STX8: variants seen among roughly 807,000 people sequenced by gnomAD.
The protein encoded by STX8 is syntaxin-8.
STX8 carries 23 observed loss-of-function variants against 37.5 expected under a neutral mutation model. The ratio of observed to expected loss-of-function variants is 0.61; its 90% confidence interval spans 0.44 to 0.87. STX8 has a LOEUF of 0.87. Ranked by LOEUF, STX8 falls within the 40% of genes least tolerant of loss-of-function variation. STX8 has a pLI of 0.00. For synonymous variants in STX8, 115 were observed against 99.1 expected (o/e 1.16, Z -0.95); for missense variants, 313 against 284.7 (o/e 1.10, Z -0.71).
Position 9,319,904 on chromosome 17 carries a change from C to T in STX8, c.643+58648G>A, listed in dbSNP as rs559915228. 5.3e-3 allele frequency among the ~76,000 whole-genome samples: 797 copies of T among 151,742 alleles called. 6 individuals are homozygous for T. The highest frequency in any genetic ancestry group is 0.018 in the African/African-American group (749 of 41,294). On this transcript the variant is annotated intron_variant, in intron 7 of 7. Transcript: ENST00000306357. ...GGGCAGAGGTTGCAGGAGCTGAGATCTTGCCATTGCACTCTAGCCTGGGCA... is the reference window on the plus strand; with the variant it reads ...GGGCAGAGGTTGCAGGAGCTGAGATTTTGCCATTGCACTCTAGCCTGGGCA...
At chr17:9,352,183 A>T (rs557419954) in intron 7 of STX8, among the ~76,000 whole-genome samples, 47 of 151,696 alleles carry the variant, frequency 3.1e-4, no homozygotes, top group African/African-American at 1.1e-3. Context: ...AACAAAAAAA[A>T]ACTTGGGGCT....
At chr17:9,536,501 A>G (rs1424758860) in intron 4 of STX8, among the ~76,000 whole-genome samples, 1 of 152,184 alleles carries the variant, frequency 6.6e-6, no homozygotes, top group Non-Finnish European at 1.5e-5. Context: ...ATACTAGTCT[A>G]GAGAGCTAAA....
chr17:9,413,113 A>C (rs1040850902), intron 6 of STX8, among the ~76,000 whole-genome samples: 3 of 152,176 alleles, frequency 2.0e-5, no homozygotes, highest in Non-Finnish European at 4.4e-5. Context: ...AAATACCAGA[A>C]AGGAGGCTGT....
At chr17:9,306,595 C>CAAAAAAAA (rs71135963) in intron 7 of STX8, among the ~76,000 whole-genome samples, 176 of 69,832 alleles carry the variant, frequency 2.5e-3, no homozygotes, top group Middle Eastern at 0.013. Context: ...ACTAAAAATA[C>CAAAAAAAA]AAAAAAAAAA....
At chr17:9,509,399 AAG>A (rs1904950640) in intron 4 of STX8, among the ~76,000 whole-genome samples, 1 of 149,592 alleles carries the variant, frequency 6.7e-6, no homozygotes, top group Non-Finnish European at 1.5e-5. Flanking sequence ...AAAGTACTAA[AAG>A]AAAAAAAAAA....
chr17:9,458,122 TTA>T (rs1905233344), intron 6 of STX8, among the ~76,000 whole-genome samples: 1 of 152,234 alleles, frequency 6.6e-6, no homozygotes. Context: ...GCATATACTA[TTA>T]TATATGGAGG....
chr17:9,474,459 G>A (rs906863356), intron 6 of STX8, among the ~76,000 whole-genome samples: 17 of 151,882 alleles, frequency 1.1e-4, no homozygotes, highest in African/African-American at 3.1e-4. Context: ...TGCAACCTCC[G>A]CCTCCCGGGT....
intron 6 of STX8, among the ~76,000 whole-genome samples, chr17:9,402,211 C>T (rs1912650170): frequency 6.6e-6 from 1 of 152,112 alleles, no homozygotes; most frequent in South Asian, 2.1e-4. Flanking sequence ...CCTCCGCCTC[C>T]TGAGTTCAAG....
intron 7 of STX8, among the ~76,000 whole-genome samples, chr17:9,294,244 T>C (rs952510384): frequency 6.6e-6 from 1 of 151,940 alleles, no homozygotes; most frequent in African/African-American, 2.4e-5. Context: ...TAACACAAGA[T>C]AGGAAGGAAA....
chr17:9,494,603 G>A (rs1220148551), intron 5 of STX8, among the ~76,000 whole-genome samples: 1 of 86,992 alleles, frequency 1.1e-5, no homozygotes, highest in Admixed American at 2.0e-4. Flanking sequence ...GTAACAGAGT[G>A]AGAACCTGTC....
intron 7 of STX8, among the ~76,000 whole-genome samples, chr17:9,360,810 C>G (rs1911038078): frequency 6.6e-6 from 1 of 152,142 alleles, no homozygotes; most frequent in Non-Finnish European, 1.5e-5. Context: ...GACATGCACT[C>G]TCTCAAGGAC....
chr17:9,271,226 G>T (rs1339456993), intron 7 of STX8, among the ~76,000 whole-genome samples: 1 of 152,192 alleles, frequency 6.6e-6, no homozygotes. Flanking sequence ...GGCCGAAGCG[G>T]GCGGATCACT....
chr17:9,371,126 GC>G (rs1911389357), intron 7 of STX8, among the ~76,000 whole-genome samples: 1 of 152,048 alleles, frequency 6.6e-6, no homozygotes, highest in Non-Finnish European at 1.5e-5. Context: ...CTCCTGTGTG[GC>G]CCCTTGCAGT....
chr17:9,256,268 G>A (rs1906793844), intron 7 of STX8, among the ~76,000 whole-genome samples: 1 of 152,190 alleles, frequency 6.6e-6, no homozygotes, highest in Admixed American at 6.5e-5. Flanking sequence ...CTACACCAGT[G>A]GAGCTTGAGT....
chr17:9,512,830 A>G (rs1225675699), intron 4 of STX8, among the ~76,000 whole-genome samples: 1 of 152,218 alleles, frequency 6.6e-6, no homozygotes, highest in African/African-American at 2.4e-5. Flanking sequence ...ATGCACATGC[A>G]TAAGAATGAA....
At chr17:9,369,917 A>G (rs1911351479) in intron 7 of STX8, among the ~76,000 whole-genome samples, 1 of 149,206 alleles carries the variant, frequency 6.7e-6, no homozygotes, top group South Asian at 2.1e-4. Context: ...AAAAGAAAGA[A>G]AAAAGAAAAA....
chr17:9,494,670 T>C (rs957560988), intron 5 of STX8, among the ~76,000 whole-genome samples: 2 of 150,060 alleles, frequency 1.3e-5, no homozygotes, highest in African/African-American at 4.9e-5. Context: ...GTACAACAGC[T>C]TTTGTTTTAA....
At chr17:9,265,962 C>A (rs1260484802) in intron 7 of STX8, among the ~76,000 whole-genome samples, 1 of 152,130 alleles carries the variant, frequency 6.6e-6, no homozygotes, top group Non-Finnish European at 1.5e-5. Flanking sequence ...AAGGCACACA[C>A]CCCCTTTCCC....
At chr17:9,465,683 G>A (rs528796046) in intron 6 of STX8, among the ~76,000 whole-genome samples, 5 of 152,154 alleles carry the variant, frequency 3.3e-5, no homozygotes, top group Non-Finnish European at 5.9e-5. Flanking sequence ...ACTGAACAGC[G>A]CTATGCGGTA....
Sources: gnomAD v4.1 joint callset for allele counts (sites outside exome capture counted in the v4.1 genomes callset) on GRCh38, gnomAD v4.1.1 for gene constraint, MANE v1.5 for transcripts, NCBI Gene and HGNC (gene_info 2026-07-23, HGNC 2026-07-21) for gene names.